Variants in CWH43 observed in about 807,000 individuals in gnomAD.
CWH43 encodes cell wall biogenesis 43 C-terminal homolog.
In CWH43, 91 loss-of-function variants were observed where a neutral mutation model predicts 85.7. The ratio of observed to expected loss-of-function variants is 1.06; its 90% confidence interval spans 0.90 to 1.26. The LOEUF (loss-of-function observed/expected upper bound fraction) is 1.26. Among genes scored for constraint, CWH43 ranks in the 50% most tolerant of loss-of-function variants. The pLI is 0.00. For missense variants in CWH43, 869 were observed against 839.2 expected (o/e 1.04, Z -0.44); for synonymous variants, 323 against 293.6 (o/e 1.10, Z -1.02).
intron 9 of CWH43, among the ~76,000 whole-genome samples, chr4:49,020,059 G>A (rs746106073): frequency 1.3e-5 from 2 of 151,898 alleles, no homozygotes; most frequent in South Asian, 2.1e-4. Context: ...GTTTGGTTAC[G>A]TGAATATGTT....
At chr4:49,026,121 G>A (rs1213540003) in intron 9 of CWH43, among the ~76,000 whole-genome samples, 1 of 152,200 alleles carries the variant, frequency 6.6e-6, no homozygotes, top group Non-Finnish European at 1.5e-5. Context: ...GGTTTCCAGA[G>A]AAGTGGGAGA....
intron 5 of CWH43, among the ~76,000 whole-genome samples, chr4:48,997,394 G>A (rs1035242921): frequency 6.6e-6 from 1 of 151,974 alleles, no homozygotes; most frequent in Non-Finnish European, 1.5e-5. Context: ...TTTATTATAT[G>A]TTTCCCCCAC....
rs540917520 is a variant in CWH43 at position 49,017,294 on chromosome 4, G to A, written c.1232G>A (p.Arg411Gln). 2.0e-5 allele frequency: 33 copies of A among 1,612,228 alleles called. No individual in the cohort carries two copies. Among genetic ancestry groups the A allele is most frequent in the South Asian group, 5.5e-5 (5 of 90,762 alleles). Reference sequence around the variant, plus strand: ...GTGGGATTGTTGGGATTAGGACTACGGCATAAAGCCTATGAGAGAAAACTG... The same window carrying A: ...GTGGGATTGTTGGGATTAGGACTACAGCATAAAGCCTATGAGAGAAAACTG... Reference protein sequence around the residue: ...VGVGLLGLGLRHKAYERKLGK... With the variant: ...VGVGLLGLGLQHKAYERKLGK... Residue 411 changes from arginine to glutamine, a missense_variant, in exon 9 of 16, where the codon CGG (arginine) becomes CAG (glutamine). Physicochemically the swap from Arg to Gln is conservative, Grantham distance 43. Around this residue, in one of 3 missense-constraint regions of CWH43, gnomAD observed 577 missense variants for 513.1 expected, o/e 1.12. Transcript: ENST00000226432.
intron 13 of CWH43, among the ~76,000 whole-genome samples, chr4:49,042,921 T>A (rs1403005879): frequency 6.6e-6 from 1 of 152,136 alleles, no homozygotes; most frequent in Non-Finnish European, 1.5e-5. Context: ...GTTGACTGGG[T>A]GGATTTCTGT....
chr4:49,046,499 A>G (rs1184628283), intron 14 of CWH43, among the ~76,000 whole-genome samples: 1 of 152,168 alleles, frequency 6.6e-6, no homozygotes, highest in African/African-American at 2.4e-5. Context: ...AAGCTATGAC[A>G]GGTGGAGATA....
In CWH43 at chr4:48,988,666, T is replaced by C. The variant is rs757470916; in HGVS notation, c.233T>C (p.Ile78Thr). Residue 78 changes from isoleucine (I) to threonine (T), a missense_variant and splice_region_variant, in exon 2 of 16, where the codon ATT (isoleucine) becomes ACT (threonine). Ile to Thr is a moderately conservative substitution (Grantham distance 89). This residue lies in a region of CWH43 where 140 missense variants were observed against 122.6 expected (regional missense o/e 1.14). Transcript: ENST00000226432. ...CTAACCCTGCTGAGGATAATCACTATTGGTAAGATTTAAAAGAGTTTCTTT... is the reference window on the plus strand; with the variant it reads ...CTAACCCTGCTGAGGATAATCACTACTGGTAAGATTTAAAAGAGTTTCTTT... Reference protein sequence around the residue: ...WMLTLLRIITIGSIASFQAPN... With the variant: ...WMLTLLRIITTGSIASFQAPN... 1.6e-5 allele frequency: 25 copies of C among 1,584,798 alleles called. No individual in the cohort carries two copies. Among genetic ancestry groups the C allele is most frequent in the Non-Finnish European group, 5.1e-6 (6 of 1,166,672 alleles).
intron 9 of CWH43, among the ~76,000 whole-genome samples, chr4:49,023,889 T>A (rs371281507): frequency 4.6e-5 from 7 of 152,308 alleles, no homozygotes; most frequent in African/African-American, 1.7e-4. Context: ...ATTGTTTAAG[T>A]GTTTCTTTGT....
intron 12 of CWH43, among the ~76,000 whole-genome samples, chr4:49,035,168 A>T (rs1784228967): frequency 6.6e-6 from 1 of 152,210 alleles, no homozygotes; most frequent in African/African-American, 2.4e-5. Context: ...TACTAGATAC[A>T]CAAATTCTTA....
chr4:49,040,570 G>A (rs1242621495), intron 13 of CWH43, among the ~76,000 whole-genome samples: 40 of 152,204 alleles, frequency 2.6e-4, no homozygotes, highest in Middle Eastern at 3.4e-3. Flanking sequence ...CATATCCTTG[G>A]CCCACTTTTT....
chr4:49,017,523 C>T (rs2109784667), intron 9 of CWH43, among the ~76,000 whole-genome samples, 195 bp downstream of exon 9: 1 of 152,248 alleles, frequency 6.6e-6, no homozygotes, highest in Non-Finnish European at 1.5e-5. Context: ...ATAGGATAGG[C>T]CCATACACTA....
intron 9 of CWH43, among the ~76,000 whole-genome samples, chr4:49,017,536 G>A (rs1026673917): frequency 6.6e-6 from 1 of 152,100 alleles, no homozygotes; most frequent in South Asian, 2.1e-4. Context: ...ATACACTAGA[G>A]GCAAATTGTT....
chr4:49,032,668 T>C lies in CWH43; in HGVS notation c.1611T>C (p.Ile537=). The change falls in exon 12 of 16, where the codon ATT becomes ATC. Residue 537 remains isoleucine (I), a synonymous_variant. Coordinates refer to ENST00000226432, the MANE Select transcript of CWH43 (RefSeq NM_025087.3). ...CAGCCATCACATTGACCGTTAACATTTCGGGCAAGCTGGTGGATTTTGTCG... is the reference window on the plus strand; with the variant it reads ...CAGCCATCACATTGACCGTTAACATCTCGGGCAAGCTGGTGGATTTTGTCG... ...IAPAITLTVN[I]SGKLVDFVVT... is the part of the protein sequence containing the mutation. The C allele has an allele frequency of 6.2e-7, 1 of 1,614,060 alleles. No homozygotes were observed. The highest frequency in any genetic ancestry group is 1.1e-5 in the South Asian group (1 of 91,080).
intron 6 of CWH43, 65 bp downstream of exon 6, chr4:48,998,613 T>C: frequency 1.7e-6 from 2 of 1,169,338 alleles, no homozygotes; most frequent in East Asian, 2.3e-5. Context: ...TTTGCAAGCA[T>C]GCGCAACTCG....
intron 6 of CWH43, among the ~76,000 whole-genome samples, chr4:49,000,688 C>T (rs1782962805): frequency 6.6e-6 from 1 of 152,150 alleles, no homozygotes; most frequent in Admixed American, 6.6e-5. Flanking sequence ...ACCTGAAGAA[C>T]ACAGAGAAAT....
chr4:49,038,227 C>A, intron 13 of CWH43, 47 bp downstream of exon 13: 2 of 1,441,592 alleles, frequency 1.4e-6, no homozygotes, highest in Non-Finnish European at 1.9e-6. Flanking sequence ...TAAAACATTT[C>A]TTTTTCTTTC....
chr4:48,986,897 A>C lies in CWH43; in HGVS notation c.43+425A>C, dbSNP rs949788555. 3 of 790,340 alleles carry C rather than the reference A, an allele frequency of 3.8e-6. No homozygotes were observed. In the South Asian group the frequency reaches 1.7e-4, roughly 45 times the overall value. The allele number at this position is 790,340 out of a possible 1,614,324, so 49.0% of individuals were successfully genotyped here. A position where few individuals can be genotyped will look rare whatever the true frequency, so the allele number is the denominator to read the frequency against. On this transcript the variant is annotated intron_variant, in intron 1 of 15. Transcript: ENST00000226432. ...GGCACCCGTTTTCCCCAGGAGCTGT[A>C]GGTGGACACTGGGCGGCAGCTGCTG...
At chr4:49,042,548 T>C (rs116374255) in intron 13 of CWH43, among the ~76,000 whole-genome samples, 3,154 of 152,220 alleles carry the variant, frequency 0.021, 97 homozygotes, top group African/African-American at 0.07. Context: ...AGAAGGGCAG[T>C]GAGAACTAGA....
chr4:49,021,089 T>C (rs898843250), intron 9 of CWH43, among the ~76,000 whole-genome samples: 2 of 152,214 alleles, frequency 1.3e-5, no homozygotes, highest in Non-Finnish European at 2.9e-5. Flanking sequence ...TTTGGTTTTG[T>C]TGCATTTGTT....
intron 9 of CWH43, among the ~76,000 whole-genome samples, chr4:49,020,384 T>TACACACACACACACACACACAC (rs35489918): frequency 1.7e-5 from 2 of 120,170 alleles, no homozygotes; most frequent in East Asian, 2.2e-4. Context: ...AGTATTCCAT[T>TACACACACACACACACACACAC]ACACACACAC....
Sources: gnomAD v4.1 joint callset for allele counts (sites outside exome capture counted in the v4.1 genomes callset) on GRCh38, gnomAD v4.1.1 for gene constraint, gnomAD v4.1.1 regional missense constraint, MANE v1.5 for transcripts, NCBI Gene and HGNC (gene_info 2026-07-23, HGNC 2026-07-21) for gene names.